AK5: variants seen among roughly 807,000 people sequenced by gnomAD.
AK5 encodes adenylate kinase 5.
Under a neutral mutation model 69.5 loss-of-function variants are expected in AK5, and 27 were observed. That is an observed-to-expected ratio of 0.39 (90% confidence interval 0.29 to 0.54). AK5 has a LOEUF of 0.54. Ranked by LOEUF, AK5 falls within the 20% of genes least tolerant of loss-of-function variation. AK5 has a pLI of 0.71. For missense variants in AK5, 531 were observed against 700.4 expected, an observed-to-expected ratio of 0.76 and a Z score of 2.73; for synonymous variants, 260 against 244.4, an observed-to-expected ratio of 1.06 and a Z score of -0.60.
Position 77,293,188 on chromosome 1 carries a change from T to G in AK5, c.248-605T>G, listed in dbSNP as rs1028458528. Reference sequence around the variant, plus strand: ...TGCACCCTCCTACTGACCGTGACAGTACCTTAATTTTTTATTCATTATGCC... The same window carrying G: ...TGCACCCTCCTACTGACCGTGACAGGACCTTAATTTTTTATTCATTATGCC... On this transcript the variant is annotated intron_variant, in intron 2 of 13. Coordinates refer to ENST00000354567, the MANE Select transcript of AK5 (RefSeq NM_174858.3). 3.9e-5 allele frequency among the ~76,000 whole-genome samples: 6 copies of G among 152,172 alleles called. 1 individual carries two copies. The highest frequency in any genetic ancestry group is 2.6e-4 in the Admixed American group (4 of 15,276).
At chr1:77,403,284 G>A (rs1176004106) in intron 6 of AK5, among the ~76,000 whole-genome samples, 4 of 152,130 alleles carry the variant, frequency 2.6e-5, no homozygotes, top group African/African-American at 9.7e-5. Context: ...TTTCTGTGCA[G>A]AAGCTCTTTA....
At chr1:77,282,581 G>C (rs1252871730) in intron 1 of AK5, 59 of 1,344,376 alleles carry the variant, frequency 4.4e-5, no homozygotes, top group Non-Finnish European at 5.4e-5. Context: ...TTAGAAGCCT[G>C]CATCTCACAG....
At chr1:77,419,793 A>C (rs1406544472) in intron 8 of AK5, among the ~76,000 whole-genome samples, 1 of 152,180 alleles carries the variant, frequency 6.6e-6, no homozygotes, top group African/African-American at 2.4e-5. Context: ...TTTAACAGTT[A>C]ATAGTTGAGA....
chr1:77,421,851 T>C (rs2100591189), intron 8 of AK5, among the ~76,000 whole-genome samples: 2 of 152,248 alleles, frequency 1.3e-5, no homozygotes, highest in Admixed American at 1.3e-4. Flanking sequence ...CATGGCCCCT[T>C]CTCTCCTAAC....
At chr1:77,371,955 G>C (rs187393978) in intron 6 of AK5, among the ~76,000 whole-genome samples, 29 of 152,298 alleles carry the variant, frequency 1.9e-4, no homozygotes, top group African/African-American at 7.0e-4. Flanking sequence ...TCAGTAGAAA[G>C]ACTTGCACTT....
chr1:77,490,550 A>G (rs1343408002), intron 10 of AK5, among the ~76,000 whole-genome samples: 2 of 152,244 alleles, frequency 1.3e-5, no homozygotes, highest in African/African-American at 4.8e-5. Context: ...AGGGATTCCC[A>G]CAGGGTAGGA....
intron 10 of AK5, among the ~76,000 whole-genome samples, chr1:77,517,151 G>T (rs1054532149): frequency 6.6e-6 from 1 of 151,862 alleles, no homozygotes; most frequent in African/African-American, 2.4e-5. Context: ...GAGAGTTGGG[G>T]TGCTGCTGTA....
chr1:77,389,496 G>A (rs1648269208), intron 6 of AK5, among the ~76,000 whole-genome samples: 1 of 152,178 alleles, frequency 6.6e-6, no homozygotes. Flanking sequence ...ACAGAAGGAT[G>A]TAGTGAGGAG....
intron 6 of AK5, among the ~76,000 whole-genome samples, chr1:77,385,123 A>G (rs903888079): frequency 6.6e-6 from 1 of 152,122 alleles, no homozygotes; most frequent in Non-Finnish European, 1.5e-5. Flanking sequence ...TCATGAAGGT[A>G]AATTGAGACT....
At chr1:77,468,137 G>T (rs756781322) in intron 8 of AK5, among the ~76,000 whole-genome samples, 2 of 152,218 alleles carry the variant, frequency 1.3e-5, no homozygotes, top group Non-Finnish European at 2.9e-5. Context: ...AACTCTTGAG[G>T]GGGTGGGAGA....
chr1:77,554,064 T>C (rs1270038781), intron 13 of AK5, among the ~76,000 whole-genome samples: 1 of 152,170 alleles, frequency 6.6e-6, no homozygotes, highest in Non-Finnish European at 1.5e-5. Context: ...AGACCATATA[T>C]TGTGTGATTT....
At chr1:77,318,080 T>C (rs1211474201) in intron 5 of AK5, among the ~76,000 whole-genome samples, 1 of 152,214 alleles carries the variant, frequency 6.6e-6, no homozygotes, top group African/African-American at 2.4e-5. Context: ...ATTGTATTAG[T>C]TCATTCTCAC....
chr1:77,312,182 A>G (rs549840938), intron 5 of AK5, among the ~76,000 whole-genome samples: 14 of 152,114 alleles, frequency 9.2e-5, no homozygotes, highest in Admixed American at 3.3e-4. Flanking sequence ...TCTATGAGGA[A>G]GTTGTTGACA....
At chr1:77,351,445 A>T (rs185368489) in intron 6 of AK5, among the ~76,000 whole-genome samples, 7 of 152,314 alleles carry the variant, frequency 4.6e-5, no homozygotes, top group Admixed American at 4.6e-4. Flanking sequence ...TAACAGGTTT[A>T]TTTGATGTGT....
intron 6 of AK5, among the ~76,000 whole-genome samples, chr1:77,396,520 G>T (rs1268388377): frequency 3.3e-5 from 5 of 152,152 alleles, no homozygotes; most frequent in Non-Finnish European, 7.3e-5. Context: ...AGATCAATTT[G>T]GTGTTTTGGG....
intron 6 of AK5, among the ~76,000 whole-genome samples, chr1:77,368,235 A>G (rs61783075): frequency 0.53 from 20,400 of 38,442 alleles, 3,731 homozygotes; most frequent in Middle Eastern, 0.68. Context: ...ATATATATAT[A>G]TATATATATA....
chr1:77,307,024 A>G (rs1659679541), intron 5 of AK5, among the ~76,000 whole-genome samples: 1 of 151,690 alleles, frequency 6.6e-6, no homozygotes, highest in African/African-American at 2.4e-5. Context: ...TTCTTTGTCA[A>G]TTTCATTTTA....
Position 77,287,022 on chromosome 1 carries a change from C to T in AK5, c.142C>T (p.Leu48=), listed in dbSNP as rs748334363. Residue 48 remains leucine, a synonymous_variant, in exon 2 of 14, where the codon CTG becomes TTG. Coordinates refer to ENST00000354567, the MANE Select transcript of AK5 (RefSeq NM_174858.3). ...LESCLQKVKE[L]GGCDKVKWDT... ...AAGTTGTTTACAAAAAGTAAAGGAA[C>T]TGGGTGGCTGTGACAAGGTGAAATG... The T allele has an allele frequency of 1.6e-5, 25 of 1,609,342 alleles. No homozygotes were observed. In the South Asian group the frequency reaches 2.7e-4, roughly 17 times the overall value.
chr1:77,517,494 G>C (rs888404053), intron 10 of AK5, among the ~76,000 whole-genome samples: 2 of 152,160 alleles, frequency 1.3e-5, no homozygotes, highest in African/African-American at 4.8e-5. Context: ...TTCCTCGTCT[G>C]TAAAATGGGA....
Sources: gnomAD v4.1 joint callset for allele counts (sites outside exome capture counted in the v4.1 genomes callset) on GRCh38, gnomAD v4.1.1 for gene constraint, MANE v1.5 for transcripts, NCBI Gene and HGNC (gene_info 2026-07-23, HGNC 2026-07-21) for gene names.